ZBTB48: variants seen among roughly 807,000 people sequenced by gnomAD.
ZBTB48 encodes the protein zinc finger and BTB domain containing 48, also known as zinc finger and BTB domain-containing protein 48.
ZBTB48 carries 35 observed loss-of-function variants against 64.5 expected under a neutral mutation model. That is an observed-to-expected ratio of 0.54 (90% CI 0.41 to 0.72). The LOEUF (loss-of-function observed/expected upper bound fraction) is 0.72, where lower values mean the gene tolerates loss of function less well. Ranked by LOEUF, ZBTB48 falls within the 30% of genes least tolerant of loss-of-function variation. The pLI, the probability that ZBTB48 is intolerant of heterozygous loss-of-function variation, is 0.00. For synonymous variants in ZBTB48, 442 were observed against 356.7 expected (o/e 1.24, Z -2.70); for missense variants, 828 against 895.3 (o/e 0.92, Z 0.96).
chr1:6,581,126 C>G lies in ZBTB48; in HGVS notation c.517C>G (p.Gln173Glu), dbSNP rs766005315. The G allele has an allele frequency of 8.1e-6, 13 of 1,613,188 alleles. No individual in the cohort carries two copies. The South Asian group carries it at 1.4e-4, about 18-fold the overall frequency. The change falls in exon 2 of 11, where the codon CAG becomes GAG. Residue 173 changes from glutamine to glutamate, a missense_variant. By Grantham distance (29) the Gln-to-Glu change is conservative. Transcript: ENST00000377674. ...DQEPRGSHSP[Q>E]RPQLHSPAQS... is the part of the protein sequence containing the mutation. The stretch of plus-strand genomic sequence containing the variant: ...GGAGCCCAGAGGCAGTCATAGTCCT[C>G]AGAGGCCCCAGCTCCATTCCCCAGC...
chr1:6,586,012 C>T lies in ZBTB48; in HGVS notation c.1026C>T (p.Cys342=). Residue 342 remains cysteine (C), a synonymous_variant, in exon 4 of 11, where the codon TGC becomes TGT. Transcript: ENST00000377674. The part of the protein sequence containing the change: ...ENLLEHEARN[C]MNRSEQVFTC... ...TCCTGGAGCATGAAGCCCGGAATTG[C>T]ATGAACCGCTCGGAACAGGTACTTG... The T allele has an allele frequency of 1.2e-6, 2 of 1,614,152 alleles. No homozygotes were observed. The highest frequency in any genetic ancestry group is 1.7e-6 in the Non-Finnish European group (2 of 1,179,976).
rs1236344558 is a variant in ZBTB48 at position 6,580,478 on chromosome 1, C to T, written c.-69-63C>T. 2 of 955,490 alleles carry T rather than the reference C, an allele frequency of 2.1e-6. No homozygotes were observed. The highest frequency in any genetic ancestry group is 1.7e-5 in the South Asian group (1 of 58,444). 59.2% of individuals were successfully genotyped at this position (955,490 alleles called of 1,614,324 possible). ...CACCCCTCACCCTGACCCAAGCCCT[C>T]GTGCTGATAAATATGATTATTTGAG... On this transcript the variant is annotated intron_variant, in intron 1 of 10. Transcript: ENST00000377674. The surrounding 1 kb of genome is among the most constrained non-coding windows in gnomAD (Gnocchi z 5.2).
Position 6,581,082 on chromosome 1 carries a change from G to C in ZBTB48, c.473G>C (p.Gly158Ala). 1.2e-6 allele frequency: 2 copies of C among 1,613,094 alleles called. No homozygotes were observed. The highest frequency in any genetic ancestry group is 1.7e-6 in the Non-Finnish European group (2 of 1,179,918). ...GAAGAGGAAGTTTCGAGGACTCTGGGTCTAGTCCCCAGGGATCAGGAGCCC... is the reference window on the plus strand; with the variant it reads ...GAAGAGGAAGTTTCGAGGACTCTGGCTCTAGTCCCCAGGGATCAGGAGCCC... Reference protein sequence around the residue: ...LEEEEVSRTLGLVPRDQEPRG... With the variant: ...LEEEEVSRTLALVPRDQEPRG... Residue 158 changes from glycine (G) to alanine (A), a missense_variant, in exon 2 of 11, where the codon GGT (glycine) becomes GCT (alanine). Coordinates refer to ENST00000377674, the MANE Select transcript of ZBTB48 (RefSeq NM_005341.4).
In ZBTB48 at chr1:6,588,425, G is replaced by A; in HGVS notation, c.1664G>A (p.Cys555Tyr). The part of the protein sequence containing the change: ...QEGRPHFCQI[C>Y]GKTFKAVEQL... ...GGCCGGCCCCACTTCTGCCAGATATGCGGCAAGACCTTCAAAGGTACCTGG... is the reference window on the plus strand; with the variant it reads ...GGCCGGCCCCACTTCTGCCAGATATACGGCAAGACCTTCAAAGGTACCTGG... Residue 555 changes from cysteine to tyrosine, a missense_variant, in exon 9 of 11, where the codon TGC (cysteine) becomes TAC (tyrosine). By Grantham distance (194) the Cys-to-Tyr change is radical. Coordinates refer to ENST00000377674, the MANE Select transcript of ZBTB48 (RefSeq NM_005341.4). The A allele has an allele frequency of 6.4e-7, 1 of 1,551,768 alleles. No homozygotes were observed. The highest frequency in any genetic ancestry group is 8.7e-7 in the Non-Finnish European group (1 of 1,147,706).
Position 6,580,580 on chromosome 1 carries a change from T to C in ZBTB48, c.-30T>C. The stretch of plus-strand genomic sequence containing the variant: ...ATACCCTCGCTTAGGCTGGCCGGGG[T>C]GTCACTTCTGCCTCCCTGCCCTCCA... On this transcript the variant is annotated 5_prime_UTR_variant, in exon 2 of 11. Transcript: ENST00000377674. The surrounding 1 kb of genome is among the most constrained non-coding windows in gnomAD (Gnocchi z 5.2). The C allele has an allele frequency of 1.3e-6, 2 of 1,586,848 alleles. No individual in the cohort carries two copies. The highest frequency in any genetic ancestry group is 4.5e-5 in the East Asian group (2 of 44,448).
At chr1:6,583,695 G>A (rs1193895330) in intron 3 of ZBTB48, among the ~76,000 whole-genome samples, 1 of 151,156 alleles carries the variant, frequency 6.6e-6, no homozygotes. Context: ...CTGTCTCCCA[G>A]GTTTAAGCGA....
In ZBTB48 at chr1:6,580,583, C is replaced by A. The variant is rs1439742370; in HGVS notation, c.-27C>A. 9 of 1,589,978 alleles carry A rather than the reference C, an allele frequency of 5.7e-6. No homozygotes were observed. Among genetic ancestry groups the A allele is most frequent in the Non-Finnish European group, 7.7e-6 (9 of 1,165,348 alleles). The stretch of plus-strand genomic sequence containing the variant: ...CCCTCGCTTAGGCTGGCCGGGGTGT[C>A]ACTTCTGCCTCCCTGCCCTCCAGAC... On this transcript the variant is annotated 5_prime_UTR_variant, in exon 2 of 11. Transcript: ENST00000377674. The surrounding 1 kb of genome is among the most constrained non-coding windows in gnomAD (Gnocchi z 5.2).
At chr1:6,586,570 A>T in intron 4 of ZBTB48, 125 bp from the exon 5 acceptor site, 1 of 1,129,394 alleles carries the variant, frequency 8.9e-7, no homozygotes, top group Non-Finnish European at 1.2e-6. Flanking sequence ...GCCCTCTCCC[A>T]CCCTAGCGTC....
chr1:6,588,331 G>A lies in ZBTB48; in HGVS notation c.1570G>A (p.Glu524Lys), dbSNP rs200454032. 6 of 1,608,238 alleles carry A rather than the reference G, an allele frequency of 3.7e-6. No homozygotes were observed. Among genetic ancestry groups the A allele is most frequent in the African/African-American group, 2.7e-5 (2 of 74,988 alleles). ...THTGERPFSCEFCEQRFTEKG... is the reference protein window; with the variant it reads ...THTGERPFSCKFCEQRFTEKG... ...CACCGGGGAAAGGCCCTTCAGTTGC[G>A]AGTTCTGTGAACAGCGCTTCACTGA... The change falls in exon 9 of 11, where the codon GAG (glutamate) becomes AAG (lysine). Residue 524 changes from glutamate (E) to lysine (K), a missense_variant. By Grantham distance (56) the Glu-to-Lys change is moderately conservative. Coordinates refer to ENST00000377674, the MANE Select transcript of ZBTB48 (RefSeq NM_005341.4).
chr1:6,585,820 A>C (rs1297517274), intron 3 of ZBTB48, 99 bp from the exon 4 acceptor site: 1 of 1,145,940 alleles, frequency 8.7e-7, no homozygotes, highest in Non-Finnish European at 1.3e-6. Flanking sequence ...GTCACCTGAG[A>C]ACACTTGTTC....
At chr1:6,585,820 AAC>A in intron 3 of ZBTB48, 97 bp from the exon 4 acceptor site, 1 of 1,146,058 alleles carries the variant, frequency 8.7e-7, no homozygotes, top group Non-Finnish European at 1.3e-6. Context: ...GTCACCTGAG[AAC>A]ACTTGTTCCC....
In ZBTB48 at chr1:6,587,229, A is replaced by G. The variant is rs754043246; in HGVS notation, c.1162A>G (p.Met388Val). The change falls in exon 6 of 11, where the codon ATG becomes GTG. Residue 388 changes from methionine (M) to valine (V), a missense_variant. Physicochemically the swap from Met to Val is conservative, Grantham distance 21. Coordinates refer to ENST00000377674, the MANE Select transcript of ZBTB48 (RefSeq NM_005341.4). ...GTGTTCCTCCTGCTCCCAGCAGTTC[A>G]TGCAGAAGAAGGACTTGCAGAGCCA... ...YKCSSCSQQF[M>V]QKKDLQSHMI... is the part of the protein sequence containing the mutation. The G allele has an allele frequency of 7.4e-6, 12 of 1,614,018 alleles. No homozygotes were observed. Among genetic ancestry groups the G allele is most frequent in the South Asian group, 1.1e-5 (1 of 91,080 alleles).
chr1:6,588,926 G>T lies in ZBTB48; in HGVS notation c.1781G>T (p.Arg594Leu), dbSNP rs1054573359. The T allele has an allele frequency of 6.2e-7, 1 of 1,612,702 alleles. No individual in the cohort carries two copies. Among genetic ancestry groups the T allele is most frequent in the Non-Finnish European group, 8.5e-7 (1 of 1,179,240 alleles). Residue 594 changes from arginine to leucine, a missense_variant, in exon 11 of 11, where the codon CGG (arginine) becomes CTG (leucine). By Grantham distance (102) the Arg-to-Leu change is moderately radical (BLOSUM62 -2). Transcript: ENST00000377674. ...GYKFTRQAHL[R>L]RHMEIHDRVE... is the part of the protein sequence containing the mutation. ...CACCCTCCCCGCCAGGCCCACCTGC[G>T]GAGGCACATGGAGATCCACGACCGG... is the stretch of plus-strand genomic sequence containing the variant.
chr1:6,585,884 C>T (rs1640643509), intron 3 of ZBTB48, 35 bp from the exon 4 acceptor site: 1 of 1,607,272 alleles, frequency 6.2e-7, no homozygotes, highest in Non-Finnish European at 8.5e-7. Flanking sequence ...GGGAAACCCT[C>T]TCAGCCCCCC....
intron 2 of ZBTB48, 89 bp downstream of exon 2, chr1:6,581,388 T>C: frequency 7.3e-7 from 1 of 1,371,880 alleles, no homozygotes. Flanking sequence ...CTGGGTGTGA[T>C]GGCTCACTCA....
chr1:6,582,798 A>G (rs1442237190), intron 3 of ZBTB48, among the ~76,000 whole-genome samples: 1 of 152,206 alleles, frequency 6.6e-6, no homozygotes, highest in Non-Finnish European at 1.5e-5. Flanking sequence ...TTCAGCGTCC[A>G]ATAAAGTAAC....
intron 4 of ZBTB48, 194 bp from the exon 5 acceptor site, chr1:6,586,501 C>G: frequency 8.3e-7 from 1 of 1,206,892 alleles, no homozygotes; most frequent in South Asian, 1.8e-5. Flanking sequence ...CTGAGAAGGG[C>G]CTGGTGTGCG....
chr1:6,582,348 T>C, intron 3 of ZBTB48, 49 bp downstream of exon 3: 5 of 1,587,810 alleles, frequency 3.1e-6, no homozygotes, highest in Admixed American at 1.7e-5. Flanking sequence ...CATTCCCACG[T>C]TGGGGGAGGG....
intron 9 of ZBTB48, 69 bp from the exon 10 acceptor site, chr1:6,588,687 C>T: frequency 1.2e-6 from 2 of 1,605,470 alleles, no homozygotes; most frequent in Non-Finnish European, 1.7e-6. Context: ...CTGTCCCAAC[C>T]TCCTGCTGGG....
Sources: allele counts gnomAD v4.1 joint callset (sites outside exome capture counted in the v4.1 genomes callset), GRCh38; gene constraint gnomAD v4.1.1; non-coding constraint Gnocchi (gnomAD v3.1); transcripts MANE v1.5; gene names NCBI Gene and HGNC (gene_info 2026-07-23, HGNC 2026-07-21).